UNC13B: variants seen among roughly 807,000 people sequenced by gnomAD.
UNC13B encodes protein unc-13 homolog B.
UNC13B carries 144 observed loss-of-function variants against 211.0 expected under a neutral mutation model. That is an observed-to-expected ratio of 0.68 (90% confidence interval 0.60 to 0.78). The LOEUF (loss-of-function observed/expected upper bound fraction) is 0.78, where lower values mean the gene tolerates loss of function less well. Ranked by LOEUF, UNC13B falls within the 30% of genes least tolerant of loss-of-function variation. The probability of loss-of-function intolerance (pLI) is 0.00; values close to 1 mark genes in which losing one functional copy is unlikely to be tolerated. For synonymous variants in UNC13B, 709 were observed against 725.8 expected, an observed-to-expected ratio of 0.98 and a Z score of 0.37; for missense variants, 1,777 against 2,002.0, an observed-to-expected ratio of 0.89 and a Z score of 2.14.
rs559085931 is a variant in UNC13B, at chr9:35,165,042, T to C, written c.22+2737T>C. On this transcript the variant is annotated intron_variant, in intron 1 of 39. Coordinates refer to ENST00000635942, the MANE Select transcript of UNC13B (RefSeq NM_001371189.2). The stretch of plus-strand genomic sequence containing the variant: ...AAGCATATTGAGAAGCTAGGTTATC[T>C]TAAGAGGGGAGTGATTAGAATAATG... Among the ~76,000 whole-genome samples the C allele has an allele frequency of 2.3e-4, 35 of 152,332 alleles. No individual in the cohort carries two copies. The South Asian group carries it at 6.6e-3, about 29-fold the overall frequency.
chr9:35,335,627 A>G (rs1295559156), intron 11 of UNC13B, among the ~76,000 whole-genome samples: 1 of 152,074 alleles, frequency 6.6e-6, no homozygotes, highest in East Asian at 1.9e-4. Context: ...CTCCTGGAGC[A>G]TTTGTTAACG....
intron 1 of UNC13B, among the ~76,000 whole-genome samples, chr9:35,225,451 G>A (rs533665789): frequency 2.6e-5 from 4 of 152,194 alleles, no homozygotes; most frequent in South Asian, 2.1e-4. Flanking sequence ...CACCATGCCC[G>A]GCTGAATGTT....
chr9:35,269,285 T>C (rs1394394188), intron 7 of UNC13B, among the ~76,000 whole-genome samples: 1 of 152,166 alleles, frequency 6.6e-6, no homozygotes, highest in Non-Finnish European at 1.5e-5. Flanking sequence ...TACCGATTGA[T>C]TAAAAGGATA....
chr9:35,225,681 G>A (rs1824794670), intron 1 of UNC13B, among the ~76,000 whole-genome samples: 1 of 152,126 alleles, frequency 6.6e-6, no homozygotes, highest in South Asian at 2.1e-4. Context: ...TCTCAGTGGT[G>A]TAGGCTATAA....
Position 35,303,863 on chromosome 9 carries a change from C to T in UNC13B, c.4459C>T (p.Pro1487Ser), listed in dbSNP as rs139573077. The change falls in exon 9 of 40, where the codon CCC (proline) becomes TCC (serine). Residue 1487 changes from proline to serine, a missense_variant. Transcript: ENST00000635942. ...ATCAGATCATGAAAAGACTACATGC[C>T]CCGTAGTTGATCAAGAATCATTAAG... ...SSSDHEKTTC[P>S]VVDQESLRMD... is the part of the protein sequence containing the mutation. 1.5e-3 allele frequency: 605 copies of T among 398,596 alleles called. 5 individuals carry two copies. The highest frequency in any genetic ancestry group is 0.011 in the African/African-American group (536 of 48,678). 24.7% of individuals were successfully genotyped at this position (398,596 alleles called of 1,614,324 possible). A position where few individuals can be genotyped will look rare whatever the true frequency, so the allele number is the denominator to read the frequency against.
rs1212060160 is a variant in UNC13B, at chr9:35,306,702, G to A, written c.7298G>A (p.Cys2433Tyr). 8 of 398,904 alleles carry A rather than the reference G, an allele frequency of 2.0e-5. No homozygotes were observed. Among genetic ancestry groups the A allele is most frequent in the Admixed American group, 4.4e-5 (1 of 22,708 alleles). 24.7% of individuals were successfully genotyped at this position (398,904 alleles called of 1,614,324 possible). Residue 2433 changes from cysteine (C) to tyrosine (Y), a missense_variant, in exon 9 of 40, where the codon TGT (cysteine) becomes TAT (tyrosine). By Grantham distance (194) the Cys-to-Tyr change is radical. Coordinates refer to ENST00000635942, the MANE Select transcript of UNC13B (RefSeq NM_001371189.2). ...GCCTCTTCCTCTCCAGAGCCAGGGT[G>A]TGCAGGGAACCTTCAGAACCAAGAT... ...EPASSSPEPG[C>Y]AGNLQNQDAD...
chr9:35,260,038 CAAAAAA>C lies in UNC13B; in HGVS notation c.526+1009_526+1014del, dbSNP rs61273217. On this transcript the variant is annotated intron_variant, in intron 7 of 39. Coordinates refer to ENST00000635942, the MANE Select transcript of UNC13B (RefSeq NM_001371189.2). ...GCAACAAACAGATACCTCATTTCTA[CAAAAAA>C]AAAAAAAAAAAAAAAAAAAACCAAG... 2.5e-4 allele frequency among the ~76,000 whole-genome samples: 16 copies of C among 64,804 alleles called. No homozygotes were observed. The East Asian group carries it at 8.3e-3, about 34-fold the overall frequency. The allele number at this position is 64,804 out of a possible 152,430, so 42.5% of individuals were successfully genotyped here. A position where few individuals can be genotyped will look rare whatever the true frequency, so the allele number is the denominator to read the frequency against.
intron 31 of UNC13B, 23 bp downstream of exon 31, chr9:35,398,311 C>G: frequency 1.2e-6 from 2 of 1,607,866 alleles, no homozygotes; most frequent in Non-Finnish European, 1.7e-6. Flanking sequence ...GTTTGGGAGT[C>G]ACTGTATTTT....
At chr9:35,370,289 G>C in intron 12 of UNC13B, 29 bp from the exon 13 acceptor site, 1 of 1,606,284 alleles carries the variant, frequency 6.2e-7, no homozygotes, top group Non-Finnish European at 8.5e-7. Context: ...CAAGACTGAC[G>C]GTCCTGACAT....
intron 3 of UNC13B, among the ~76,000 whole-genome samples, chr9:35,231,838 T>A (rs1371144651): frequency 5.9e-5 from 9 of 152,330 alleles, no homozygotes; most frequent in South Asian, 4.1e-4. Context: ...TTCTTTCTTT[T>A]GTCCCTTTAG....
chr9:35,353,006 T>A, intron 11 of UNC13B: 1 of 1,232,156 alleles, frequency 8.1e-7, no homozygotes, highest in Non-Finnish European at 1.0e-6. Flanking sequence ...GCTCCTGGGC[T>A]GCGAAGCTGG....
At chr9:35,216,971 G>C (rs369187018) in intron 1 of UNC13B, among the ~76,000 whole-genome samples, 3 of 152,176 alleles carry the variant, frequency 2.0e-5, no homozygotes, top group African/African-American at 7.2e-5. Context: ...CAAAATGATG[G>C]AGATGGAGAG....
intron 6 of UNC13B, among the ~76,000 whole-genome samples, chr9:35,253,786 A>G (rs777921239): frequency 2.0e-5 from 3 of 152,128 alleles, no homozygotes; most frequent in African/African-American, 7.2e-5. Context: ...CTGTTTCTCT[A>G]TGCTTGTATT....
At chr9:35,280,764 CT>C (rs1828437856) in intron 7 of UNC13B, among the ~76,000 whole-genome samples, 1 of 152,108 alleles carries the variant, frequency 6.6e-6, no homozygotes, top group Admixed American at 6.6e-5. Flanking sequence ...TCTATCCTGG[CT>C]TCCTCTAAAA....
chr9:35,257,376 ATT>A (rs1564097860), intron 6 of UNC13B, among the ~76,000 whole-genome samples: 2 of 135,198 alleles, frequency 1.5e-5, no homozygotes, highest in Non-Finnish European at 3.2e-5. Context: ...TTTATAAAAT[ATT>A]TATATAAATA....
rs755140244 is a variant in UNC13B at position 35,243,316 on chromosome 9, T to G, written c.420T>G (p.Tyr140Ter). 6.2e-7 allele frequency: 1 copy of G among 1,613,412 alleles called. No homozygotes were observed. The highest frequency in any genetic ancestry group is 1.7e-5 in the Admixed American group (1 of 59,926). ...ATATCCCAGAGGAGGAAGCCAGATA[T>G]TGGACCTACAAATGGGAGCAAATCA... ...PFDIPEEEARYWTYKWEQINA... is the reference protein window; with the variant it reads ...PFDIPEEEAR Residue 140 changes from tyrosine to a stop codon, truncating the protein, a stop_gained, in exon 6 of 40, where the codon TAT (tyrosine) becomes TAG (stop). Transcript: ENST00000635942. LOFTEE classifies it high-confidence loss of function.
chr9:35,399,805 G>T (rs1442257145), intron 36 of UNC13B, 76 bp downstream of exon 36: 2 of 1,445,676 alleles, frequency 1.4e-6, no homozygotes, highest in Non-Finnish European at 1.9e-6. Flanking sequence ...TCCCAGACCA[G>T]GTGTCCCTCC....
chr9:35,219,828 T>C (rs1824473402), intron 1 of UNC13B, among the ~76,000 whole-genome samples: 1 of 152,166 alleles, frequency 6.6e-6, no homozygotes, highest in Admixed American at 6.5e-5. Flanking sequence ...TTTCCCAAGC[T>C]GTAGTCACTC....
chr9:35,344,274 C>CT (rs1832214532), intron 11 of UNC13B, among the ~76,000 whole-genome samples: 1 of 151,926 alleles, frequency 6.6e-6, no homozygotes. Flanking sequence ...TTTCTTTTTT[C>CT]TTTTTTTGTC....
Sources: allele counts gnomAD v4.1 joint callset (sites outside exome capture counted in the v4.1 genomes callset), GRCh38; gene constraint gnomAD v4.1.1; transcripts MANE v1.5; gene names NCBI Gene and HGNC (gene_info 2026-07-23, HGNC 2026-07-21).